KIF15: variants seen among roughly 807,000 people sequenced by gnomAD.
KIF15 encodes the protein kinesin family member 15.
KIF15 carries 140 observed loss-of-function variants against 190.6 expected under a neutral mutation model. That is an observed-to-expected ratio of 0.73 (90% confidence interval 0.64 to 0.84). KIF15 has a LOEUF of 0.84. KIF15 is among the 40% of genes least tolerant of loss of function. The pLI is 0.00. For synonymous variants in KIF15, 528 were observed against 551.3 expected (o/e 0.96, Z 0.59); for missense variants, 1,372 against 1,584.4 (o/e 0.87, Z 2.28).
At chr3:44,865,421 C>A in intron 6 of KIF15, 1 of 504,802 alleles carries the variant, frequency 2.0e-6, no homozygotes, top group Non-Finnish European at 3.5e-6. Flanking sequence ...CCAGGCCTAC[C>A]CCAGTGAGCC....
At position 44,852,707 on chromosome 3, in the gene KIF15, T is replaced by TAAAAG; in HGVS notation, c.4152_4156dup (p.Ser1386LysfsTer18). 2 of 1,600,732 alleles carry TAAAAG rather than the reference T, an allele frequency of 1.2e-6. No homozygotes were observed. Among genetic ancestry groups the TAAAAG allele is most frequent in the Non-Finnish European group, 1.7e-6 (2 of 1,176,180 alleles). ...AAGTTGCGTGCCGAAAATGTATTTTTAAAAGAAAAGAAAAGAAGTGAATCT... is the reference window on the plus strand; with the variant it reads ...AAGTTGCGTGCCGAAAATGTATTTTTAAAAGAAAAGAAAAGAAAAGAAGTGAATCT... On this transcript the variant is annotated frameshift_variant, in exon 35 of 35. Coordinates refer to ENST00000326047, the MANE Select transcript of KIF15 (RefSeq NM_020242.3). LOFTEE classifies it high-confidence loss of function.
chr3:44,787,396 CTCA>C (rs1285297896), intron 7 of KIF15, among the ~76,000 whole-genome samples: 1 of 152,120 alleles, frequency 6.6e-6, no homozygotes, highest in Non-Finnish European at 1.5e-5. Flanking sequence ...ACTTTTAAAA[CTCA>C]ATGTGGTTTA....
At position 44,801,208 on chromosome 3, in the gene KIF15, C is replaced by CGG. The variant is rs756053880; in HGVS notation, c.1223-240_1223-239dup. On this transcript the variant is annotated intron_variant, in intron 11 of 34. Coordinates refer to ENST00000326047, the MANE Select transcript of KIF15 (RefSeq NM_020242.3). ...TATTTTTAGTAGAGATCGGGGGCGG[C>CGG]GGGAGGGGGGGGTCTCACCATGTTG... Among the ~76,000 whole-genome samples, 278 of 84,814 alleles carry CGG rather than the reference C, an allele frequency of 3.3e-3. 6 individuals are homozygous for CGG. Among genetic ancestry groups the CGG allele is most frequent in the African/African-American group, 5.3e-3 (132 of 25,138 alleles). 55.6% of individuals were successfully genotyped at this position (84,814 alleles called of 152,430 possible). A position where few individuals can be genotyped will look rare whatever the true frequency, so the allele number is the denominator to read the frequency against.
chr3:44,839,961 TA>T, intron 27 of KIF15, among the ~76,000 whole-genome samples: 1 of 152,372 alleles, frequency 6.6e-6, no homozygotes, highest in South Asian at 2.1e-4. Context: ...ATAGCTTGGC[TA>T]TTACGAATAA....
At chr3:44,800,039 A>C (rs1469848024) in intron 10 of KIF15, among the ~76,000 whole-genome samples, 2 of 152,014 alleles carry the variant, frequency 1.3e-5, no homozygotes, top group African/African-American at 4.8e-5. Context: ...CCCGGATCCT[A>C]AGGGTGACCC....
intron 20 of KIF15, among the ~76,000 whole-genome samples, chr3:44,819,000 A>G (rs1395570045): frequency 1.3e-5 from 2 of 152,038 alleles, no homozygotes; most frequent in Non-Finnish European, 2.9e-5. Flanking sequence ...GAATTCATCC[A>G]TTTCTTCTAG....
intron 20 of KIF15, among the ~76,000 whole-genome samples, chr3:44,824,845 A>G (rs1697556990): frequency 6.6e-6 from 1 of 152,178 alleles, no homozygotes; most frequent in Non-Finnish European, 1.5e-5. Context: ...CTGCAGCCTC[A>G]ATATCCCGGG....
chr3:44,792,998 TG>T (rs1449852102), intron 7 of KIF15, among the ~76,000 whole-genome samples: 2 of 152,208 alleles, frequency 1.3e-5, no homozygotes, highest in Non-Finnish European at 2.9e-5. Context: ...ACCCAAAATG[TG>T]GTCCTCAGAA....
intron 29 of KIF15, among the ~76,000 whole-genome samples, chr3:44,842,020 T>C (rs1396349054): frequency 6.6e-6 from 1 of 152,224 alleles, no homozygotes; most frequent in Non-Finnish European, 1.5e-5. Flanking sequence ...TGGTGCTATC[T>C]GAATTTCGGA....
At chr3:44,813,687 C>T (rs1348006327) in intron 19 of KIF15, among the ~76,000 whole-genome samples, 1 of 137,152 alleles carries the variant, frequency 7.3e-6, no homozygotes, top group Non-Finnish European at 1.5e-5. Context: ...AGCGCAGTGG[C>T]GGGATCTCGG....
chr3:44,768,747 GA>G, intron 1 of KIF15, among the ~76,000 whole-genome samples: 1 of 152,270 alleles, frequency 6.6e-6, no homozygotes, highest in Admixed American at 6.5e-5. Flanking sequence ...GCTGTGTTGG[GA>G]AAATGGCAGT....
chr3:44,801,209 G>T (rs868623439), intron 11 of KIF15, among the ~76,000 whole-genome samples: 1 of 127,628 alleles, frequency 7.8e-6, no homozygotes, highest in Non-Finnish European at 1.7e-5. Flanking sequence ...CGGGGGCGGC[G>T]GGAGGGGGGG....
chr3:44,835,788 A>G (rs1348866046), intron 26 of KIF15, among the ~76,000 whole-genome samples: 1 of 152,248 alleles, frequency 6.6e-6, no homozygotes, highest in Non-Finnish European at 1.5e-5. Context: ...CAGTGAAGAA[A>G]GAGTCGGTTT....
chr3:44,801,678 T>G, intron 12 of KIF15, 87 bp from the exon 13 acceptor site: 1 of 973,880 alleles, frequency 1.0e-6, no homozygotes. Context: ...AGATTAAATA[T>G]GAAATTAGTA....
chr3:44,784,756 G>A, intron 5 of KIF15, 89 bp from the exon 6 acceptor site: 1 of 693,050 alleles, frequency 1.4e-6, no homozygotes, highest in South Asian at 1.7e-5. Context: ...TGATTGTATG[G>A]TGTATCATCT....
At chr3:44,847,437 G>T (rs1355139590) in intron 30 of KIF15, among the ~76,000 whole-genome samples, 2 of 152,144 alleles carry the variant, frequency 1.3e-5, no homozygotes, top group Non-Finnish European at 2.9e-5. Context: ...CCTTTTCCAT[G>T]AAGACATATC....
At chr3:44,851,159 C>G (rs1255095888) in intron 32 of KIF15, among the ~76,000 whole-genome samples, 2 of 152,080 alleles carry the variant, frequency 1.3e-5, no homozygotes, top group Non-Finnish European at 2.9e-5. Flanking sequence ...CTAGATACTC[C>G]AAAGGCTGGA....
At chr3:44,842,744 T>C (rs1698665187) in intron 29 of KIF15, among the ~76,000 whole-genome samples, 1 of 152,210 alleles carries the variant, frequency 6.6e-6, no homozygotes, top group South Asian at 2.1e-4. Flanking sequence ...TAGGATGCAA[T>C]TGAGTATTTT....
chr3:44,801,104 T>C (rs1707248489), intron 11 of KIF15, among the ~76,000 whole-genome samples: 1 of 150,646 alleles, frequency 6.6e-6, no homozygotes, highest in Non-Finnish European at 1.5e-5. Context: ...ACCTCCTGGG[T>C]TCAAGCGATT....
Sources: gnomAD v4.1 joint callset for allele counts (sites outside exome capture counted in the v4.1 genomes callset) on GRCh38, gnomAD v4.1.1 for gene constraint, MANE v1.5 for transcripts, NCBI Gene and HGNC (gene_info 2026-07-23, HGNC 2026-07-21) for gene names.